The following FBXL7 variants were observed in gnomAD, a reference collection of about 807,000 sequenced individuals.
The protein encoded by FBXL7 is F-box and leucine rich repeat protein 7, also known as F-box/LRR-repeat protein 7.
FBXL7 carries 12 observed loss-of-function variants against 38.3 expected under a neutral mutation model. The ratio of observed to expected loss-of-function variants is 0.31; its 90% CI spans 0.20 to 0.51. The LOEUF is 0.51. FBXL7 is among the 20% of genes least tolerant of loss of function. The pLI, the probability that FBXL7 is intolerant of heterozygous loss-of-function variation, is 0.98. For missense variants in FBXL7, 567 were observed against 676.4 expected (o/e 0.84, Z 1.79); for synonymous variants, 297 against 300.9 (o/e 0.99, Z 0.13).
At chr5:15,512,775 T>TTTCAATCTAC (rs1258767236) in intron 1 of FBXL7, among the ~76,000 whole-genome samples, 1 of 152,220 alleles carries the variant, frequency 6.6e-6, no homozygotes, top group Non-Finnish European at 1.5e-5. Flanking sequence ...TTTCAATGAT[T>TTTCAATCTAC]AGTATTGAGT....
intron 2 of FBXL7, among the ~76,000 whole-genome samples, chr5:15,884,968 A>G (rs1449516764): frequency 6.6e-6 from 1 of 152,322 alleles, no homozygotes; most frequent in East Asian, 1.9e-4. Context: ...ACTGCTAGAT[A>G]ACAAATTACC....
intron 2 of FBXL7, among the ~76,000 whole-genome samples, chr5:15,849,497 G>A (rs992203389): frequency 1.3e-5 from 2 of 152,162 alleles, no homozygotes; most frequent in African/African-American, 4.8e-5. Flanking sequence ...TCTCATGGTA[G>A]TGAATAAGTC....
At chr5:15,733,217 C>G (rs918167608) in intron 2 of FBXL7, among the ~76,000 whole-genome samples, 1 of 152,050 alleles carries the variant, frequency 6.6e-6, no homozygotes, top group Non-Finnish European at 1.5e-5. Flanking sequence ...CTCACCCTCC[C>G]GAGTAGCTGG....
At chr5:15,663,869 G>T (rs1269377362) in intron 2 of FBXL7, among the ~76,000 whole-genome samples, 1 of 152,096 alleles carries the variant, frequency 6.6e-6, no homozygotes, top group African/African-American at 2.4e-5. Flanking sequence ...GCTATTTATA[G>T]GCAGGTCTTG....
At chr5:15,885,433 A>G (rs1472172943) in intron 2 of FBXL7, among the ~76,000 whole-genome samples, 3 of 152,200 alleles carry the variant, frequency 2.0e-5, no homozygotes, top group African/African-American at 7.2e-5. Context: ...CATCCAATCC[A>G]CACACTCCAG....
chr5:15,504,767 C>T (rs928485849), intron 1 of FBXL7, among the ~76,000 whole-genome samples: 6 of 152,140 alleles, frequency 3.9e-5, no homozygotes, highest in Admixed American at 3.9e-4. Flanking sequence ...TCATTAGAAC[C>T]ATTAGCTTTG....
chr5:15,612,014 C>A (rs1740255452), intron 1 of FBXL7, among the ~76,000 whole-genome samples: 1 of 151,758 alleles, frequency 6.6e-6, no homozygotes, highest in Admixed American at 6.6e-5. Context: ...AAAACAAAAT[C>A]TTTACTTCCT....
intron 1 of FBXL7, among the ~76,000 whole-genome samples, chr5:15,570,698 C>T (rs1393707424): frequency 1.3e-5 from 2 of 152,206 alleles, no homozygotes; most frequent in African/African-American, 4.8e-5. Context: ...AGGGTGGTTT[C>T]CTGCAGCTCC....
chr5:15,931,379 G>A (rs1320235250), intron 3 of FBXL7, among the ~76,000 whole-genome samples: 2 of 152,086 alleles, frequency 1.3e-5, no homozygotes, highest in Non-Finnish European at 1.5e-5. Flanking sequence ...CTGGAGACCT[G>A]GAATCATCCT....
intron 2 of FBXL7, among the ~76,000 whole-genome samples, chr5:15,885,279 G>A (rs950265200): frequency 6.6e-6 from 1 of 152,220 alleles, no homozygotes; most frequent in African/African-American, 2.4e-5. Context: ...TTCCAGCACG[G>A]CATCTTGCTT....
At chr5:15,604,017 T>A (rs1045728630) in intron 1 of FBXL7, among the ~76,000 whole-genome samples, 1 of 152,146 alleles carries the variant, frequency 6.6e-6, no homozygotes, top group Non-Finnish European at 1.5e-5. Context: ...ATGCCTGTAA[T>A]CCCAGCTTCT....
intron 2 of FBXL7, among the ~76,000 whole-genome samples, chr5:15,850,213 A>G (rs1180034942): frequency 6.6e-6 from 1 of 152,242 alleles, no homozygotes; most frequent in African/African-American, 2.4e-5. Context: ...AGATTAAGGC[A>G]ATCCAAGCAA....
intron 2 of FBXL7, among the ~76,000 whole-genome samples, chr5:15,857,782 T>A (rs1739314834): frequency 6.6e-6 from 1 of 152,196 alleles, no homozygotes; most frequent in East Asian, 1.9e-4. Context: ...GATGATTTAT[T>A]TTTTCCTCCA....
intron 2 of FBXL7, among the ~76,000 whole-genome samples, chr5:15,751,328 G>A (rs1034675008): frequency 2.0e-5 from 3 of 152,176 alleles, no homozygotes; most frequent in African/African-American, 7.2e-5. Context: ...ACCATTAGGG[G>A]ACTGAAGGAT....
chr5:15,938,845 T>G lies in FBXL7; in HGVS notation c.*1659T>G, dbSNP rs1579620012. ...ATTCCATTGCTGGTTTTCACGAAAT[T>G]CACTTGTCTTTTGCTAATAAACACA... On this transcript the variant is annotated 3_prime_UTR_variant, in exon 4 of 4. Coordinates refer to ENST00000504595, the MANE Select transcript of FBXL7 (RefSeq NM_012304.5). The G allele has an allele frequency of 2.5e-6, 1 of 397,054 alleles. No homozygotes were observed. The highest frequency in any genetic ancestry group is 3.6e-5 in the East Asian group (1 of 28,024). 24.6% of individuals were successfully genotyped at this position (397,054 alleles called of 1,614,324 possible).
At chr5:15,553,491 C>T (rs952357182) in intron 1 of FBXL7, among the ~76,000 whole-genome samples, 6 of 152,184 alleles carry the variant, frequency 3.9e-5, no homozygotes, top group Admixed American at 3.3e-4. Flanking sequence ...ATCTTCTACT[C>T]GACCAGAAGC....
intron 1 of FBXL7, among the ~76,000 whole-genome samples, chr5:15,563,566 G>A (rs1008760526): frequency 6.6e-6 from 1 of 152,002 alleles, no homozygotes; most frequent in South Asian, 2.1e-4. Flanking sequence ...CAATCCTCAA[G>A]GAAGCCGAGT....
chr5:15,802,853 A>G (rs1474017103), intron 2 of FBXL7, among the ~76,000 whole-genome samples: 1 of 152,066 alleles, frequency 6.6e-6, no homozygotes, highest in Non-Finnish European at 1.5e-5. Flanking sequence ...GGGTTTCACC[A>G]TGTTGGCCAG....
chr5:15,706,329 G>A (rs1743679483), intron 2 of FBXL7, among the ~76,000 whole-genome samples: 2 of 152,132 alleles, frequency 1.3e-5, no homozygotes, highest in Admixed American at 6.5e-5. Context: ...TCCCACTTTT[G>A]TCATGTGATG....
Sources: gnomAD v4.1 joint callset for allele counts (sites outside exome capture counted in the v4.1 genomes callset) on GRCh38, gnomAD v4.1.1 for gene constraint, MANE v1.5 for transcripts, NCBI Gene and HGNC (gene_info 2026-07-23, HGNC 2026-07-21) for gene names.